The following PIEZO2 variants were observed in gnomAD, a reference collection of about 807,000 sequenced individuals.
The protein encoded by PIEZO2 is piezo type mechanosensitive ion channel component 2.
Under a neutral mutation model 337.3 loss-of-function variants are expected in PIEZO2, and 172 were observed. The observed-to-expected ratio is 0.51, with a 90% CI of 0.45 to 0.58. The LOEUF (loss-of-function observed/expected upper bound fraction) is 0.58, where lower values mean the gene tolerates loss of function less well. Ranked by LOEUF, PIEZO2 falls within the 20% of genes least tolerant of loss-of-function variation. PIEZO2 has a pLI of 0.00. For missense variants in PIEZO2, 3,028 were observed against 3,391.3 expected, an observed-to-expected ratio of 0.89 and a Z score of 2.66; for synonymous variants, 1,251 against 1,228.5, an observed-to-expected ratio of 1.02 and a Z score of -0.38.
intron 22 of PIEZO2, 90 bp downstream of exon 22, chr18:10,762,832 C>T (rs2038193918): frequency 6.9e-7 from 1 of 1,439,566 alleles, no homozygotes; most frequent in South Asian, 1.4e-5. Context: ...CCAGGTCAGG[C>T]CAAATGTGCT....
chr18:10,674,145 A>C (rs544501559), intron 54 of PIEZO2, among the ~76,000 whole-genome samples: 1 of 152,340 alleles, frequency 6.6e-6, no homozygotes, highest in East Asian at 1.9e-4. Flanking sequence ...GTCCTTATCA[A>C]GGAAGAAGGT....
intron 7 of PIEZO2, among the ~76,000 whole-genome samples, chr18:10,838,891 C>T (rs79315360): frequency 0.042 from 6,401 of 152,232 alleles, 207 homozygotes; most frequent in Non-Finnish European, 0.058. Flanking sequence ...ACCTCCCCTC[C>T]CTATCAAGAA....
At chr18:11,144,546 C>T (rs1194998783) in intron 1 of PIEZO2, among the ~76,000 whole-genome samples, 1 of 152,126 alleles carries the variant, frequency 6.6e-6, no homozygotes, top group African/African-American at 2.4e-5. Context: ...GAAAATACAT[C>T]ATGCTATAAA....
In PIEZO2 at chr18:10,969,459, G is replaced by C. The variant is rs897749219; in HGVS notation, c.286+10076C>G. On this transcript the variant is annotated intron_variant, in intron 3 of 55. Transcript: ENST00000674853. This position sits in a 1 kb window ranked among gnomAD's most constrained non-coding sequence, Gnocchi z 4.5. ...CTCTTCTGCCCTCACTTCTTATTGA[G>C]ACCTCCTTGTTAAAGCACAGTCCCA... Among the ~76,000 whole-genome samples, 1 of 151,942 alleles carries C rather than the reference G, an allele frequency of 6.6e-6. No homozygotes were observed. Among genetic ancestry groups the C allele is most frequent in the Non-Finnish European group, 1.5e-5 (1 of 67,998 alleles).
At chr18:10,944,654 A>G (rs1292896612) in intron 3 of PIEZO2, among the ~76,000 whole-genome samples, 1 of 151,596 alleles carries the variant, frequency 6.6e-6, no homozygotes, top group Non-Finnish European at 1.5e-5. Context: ...CCTAAAAAGG[A>G]GGAAAATTAG....
chr18:10,891,631 T>C (rs1216778318), intron 4 of PIEZO2, among the ~76,000 whole-genome samples: 2 of 152,200 alleles, frequency 1.3e-5, no homozygotes, highest in Admixed American at 6.5e-5. Flanking sequence ...AGGTCAGGTT[T>C]TGCCATCACA....
rs566794450 is a variant in PIEZO2, at chr18:11,127,617, C to T, written c.64+20908G>A. 6.6e-6 allele frequency among the ~76,000 whole-genome samples: 1 copy of T among 151,948 alleles called. No individual in the cohort carries two copies. Among genetic ancestry groups the T allele is most frequent in the Non-Finnish European group, 1.5e-5 (1 of 68,004 alleles). ...AGACTCAGACTGGCTCTCCTTGCTC[C>T]TCAGCTTGCAGAAAGCCTATTGTGG... On this transcript the variant is annotated intron_variant, in intron 1 of 55. Transcript: ENST00000674853. This position sits in a 1 kb window ranked among gnomAD's most constrained non-coding sequence, Gnocchi z 4.5.
In PIEZO2 at chr18:11,080,934, G is replaced by C. The variant is rs570505492; in HGVS notation, c.65-14712C>G. 3.3e-4 allele frequency among the ~76,000 whole-genome samples: 50 copies of C among 152,298 alleles called. No individual in the cohort carries two copies. Among genetic ancestry groups the C allele is most frequent in the South Asian group, 2.1e-3 (10 of 4,826 alleles). ...TGACCAATGGAGTCAACGTCCAATAGCTTCACCAAATTGGTTATTCTGCAA... is the reference window on the plus strand; with the variant it reads ...TGACCAATGGAGTCAACGTCCAATACCTTCACCAAATTGGTTATTCTGCAA... On this transcript the variant is annotated intron_variant, in intron 1 of 55. Coordinates refer to ENST00000674853, the MANE Select transcript of PIEZO2 (RefSeq NM_001378183.1). The surrounding 1 kb of genome is among the most constrained non-coding windows in gnomAD (Gnocchi z 5.4).
Position 10,761,063 on chromosome 18 carries a change from G to A in PIEZO2, c.3298C>T (p.Arg1100Cys), listed in dbSNP as rs751656317. ...CGACCTCGATAGTATTCCTGATGGC[G>A]GTAAATGGTGACTTCAAAGGCCAGG... ...AILAFEVTIY[R>C]HQEYYRGRNN... Residue 1100 changes from arginine to cysteine, a missense_variant, in exon 24 of 56, where the codon CGC (arginine) becomes TGC (cysteine). Coordinates refer to ENST00000674853, the MANE Select transcript of PIEZO2 (RefSeq NM_001378183.1). 25 of 1,537,012 alleles carry A rather than the reference G, an allele frequency of 1.6e-5. No homozygotes were observed. Among genetic ancestry groups the A allele is most frequent in the South Asian group, 3.6e-5 (3 of 84,064 alleles).
rs2042873260 is a variant in PIEZO2 at position 10,895,490 on chromosome 18, C to A, written c.329+15696G>T. 6.6e-6 allele frequency among the ~76,000 whole-genome samples: 1 copy of A among 151,894 alleles called. No individual in the cohort carries two copies. The highest frequency in any genetic ancestry group is 1.5e-5 in the Non-Finnish European group (1 of 67,984). On this transcript the variant is annotated intron_variant, in intron 4 of 55. Transcript: ENST00000674853. The surrounding 1 kb of genome is among the most constrained non-coding windows in gnomAD (Gnocchi z 4.8). ...GTAAGTCAAAAAAGAAAGTCAATGG[C>A]CTCATGAGGTTGTTCAGTGACCACA...
At chr18:10,706,284 A>T (rs1276378589) in intron 40 of PIEZO2, among the ~76,000 whole-genome samples, 1 of 152,196 alleles carries the variant, frequency 6.6e-6, no homozygotes, top group Non-Finnish European at 1.5e-5. Flanking sequence ...TGTGCTTGAT[A>T]AAAAATGCCA....
intron 2 of PIEZO2, among the ~76,000 whole-genome samples, chr18:11,062,074 G>A (rs993752645): frequency 1.3e-5 from 2 of 152,076 alleles, no homozygotes; most frequent in Non-Finnish European, 2.9e-5. Flanking sequence ...TAGACCAATG[G>A]AACAGAACAG....
chr18:11,086,114 AT>A (rs905390477), intron 1 of PIEZO2, among the ~76,000 whole-genome samples: 4 of 152,240 alleles, frequency 2.6e-5, no homozygotes, highest in Non-Finnish European at 5.9e-5. Context: ...TTAGAAACTG[AT>A]ATATCAGCAA....
At position 10,894,044 on chromosome 18, in the gene PIEZO2, C is replaced by G. The variant is rs774427076; in HGVS notation, c.329+17142G>C. Among the ~76,000 whole-genome samples, 2 of 152,126 alleles carry G rather than the reference C, an allele frequency of 1.3e-5. No homozygotes were observed. Among genetic ancestry groups the G allele is most frequent in the Non-Finnish European group, 2.9e-5 (2 of 68,022 alleles). On this transcript the variant is annotated intron_variant, in intron 4 of 55. Transcript: ENST00000674853. This position sits in a 1 kb window ranked among gnomAD's most constrained non-coding sequence, Gnocchi z 4.1. ...TCTTTAAAATAGTAATTGGTCGCAG[C>G]CAGCAGCAAGGAAAGGCCGTCTCCG... is the stretch of plus-strand genomic sequence containing the variant.
intron 49 of PIEZO2, among the ~76,000 whole-genome samples, chr18:10,686,589 A>G (rs985758918): frequency 6.6e-6 from 1 of 152,214 alleles, no homozygotes; most frequent in African/African-American, 2.4e-5. Flanking sequence ...CCTAGGCCAT[A>G]TATGGATGAA....
At chr18:11,022,953 C>A (rs150156594) in intron 2 of PIEZO2, among the ~76,000 whole-genome samples, 1,839 of 152,142 alleles carry the variant, frequency 0.012, 38 homozygotes, top group African/African-American at 0.04. Context: ...AGGAGTGAAG[C>A]TGCGCACCTT....
intron 3 of PIEZO2, among the ~76,000 whole-genome samples, chr18:10,926,028 T>G (rs961917962): frequency 6.6e-6 from 1 of 152,228 alleles, no homozygotes; most frequent in East Asian, 1.9e-4. Context: ...ATTCTTCATT[T>G]AAGATCTTAG....
chr18:10,686,402 A>G (rs1341017298), intron 49 of PIEZO2, among the ~76,000 whole-genome samples: 27 of 152,260 alleles, frequency 1.8e-4, no homozygotes, highest in Admixed American at 1.8e-3. Context: ...ACCAGGAAAG[A>G]ACCAGTAGCT....
rs1469142342 is a variant in PIEZO2 at position 10,929,383 on chromosome 18, G to A, written c.287-18155C>T. Among the ~76,000 whole-genome samples the A allele has an allele frequency of 1.3e-5, 2 of 152,136 alleles. No homozygotes were observed. The highest frequency in any genetic ancestry group is 2.1e-4 in the South Asian group (1 of 4,822). On this transcript the variant is annotated intron_variant, in intron 3 of 55. Coordinates refer to ENST00000674853, the MANE Select transcript of PIEZO2 (RefSeq NM_001378183.1). This position sits in a 1 kb window ranked among gnomAD's most constrained non-coding sequence, Gnocchi z 5.6. ...ATAATGCTATGAATTCCAGACCAGC[G>A]CAAAGAAACTCCGAATTATTTTGAT...
Sources: gnomAD v4.1 joint callset for allele counts (sites outside exome capture counted in the v4.1 genomes callset) on GRCh38, gnomAD v4.1.1 for gene constraint, Gnocchi (gnomAD v3.1) non-coding constraint, MANE v1.5 for transcripts, NCBI Gene and HGNC (gene_info 2026-07-23, HGNC 2026-07-21) for gene names.